Variants in DPP10 observed in about 807,000 individuals in gnomAD.
DPP10 encodes dipeptidyl peptidase like 10, also known as inactive dipeptidyl peptidase 10.
In DPP10, 33 loss-of-function variants were observed where a neutral mutation model predicts 120.9. The ratio of observed to expected loss-of-function variants is 0.27; its 90% confidence interval spans 0.21 to 0.37. The LOEUF (loss-of-function observed/expected upper bound fraction) is 0.37, where lower values mean the gene tolerates loss of function less well. Ranked by LOEUF, DPP10 falls within the 10% of genes least tolerant of loss-of-function variation. The probability of loss-of-function intolerance (pLI) is 1.00; values close to 1 mark genes in which losing one functional copy is unlikely to be tolerated. For missense variants in DPP10, 816 were observed against 942.8 expected (o/e 0.87, Z 1.76); for synonymous variants, 337 against 326.1 (o/e 1.03, Z -0.36).
At chr2:115,700,170 G>T (rs564542509) in intron 7 of DPP10, among the ~76,000 whole-genome samples, 1 of 152,204 alleles carries the variant, frequency 6.6e-6, no homozygotes. Flanking sequence ...AAAAGTGATG[G>T]TACTAAACCA....
intron 1 of DPP10, among the ~76,000 whole-genome samples, chr2:114,665,821 C>A (rs1573922772): frequency 6.6e-6 from 1 of 152,104 alleles, no homozygotes; most frequent in South Asian, 2.1e-4. Flanking sequence ...TACTGTGCTT[C>A]ATTCAGTACA....
intron 1 of DPP10, among the ~76,000 whole-genome samples, chr2:114,474,349 T>A (rs1040035983): frequency 2.0e-5 from 3 of 152,230 alleles, no homozygotes; most frequent in Non-Finnish European, 4.4e-5. Context: ...AAAATTGCAG[T>A]TTGCTTTTCT....
intron 1 of DPP10, among the ~76,000 whole-genome samples, chr2:114,976,999 C>G (rs190840447): frequency 1.3e-5 from 2 of 152,130 alleles, no homozygotes; most frequent in African/African-American, 4.8e-5. Flanking sequence ...TTAATTCCAT[C>G]TATGCCAGCA....
intron 1 of DPP10, among the ~76,000 whole-genome samples, chr2:114,938,002 A>G (rs559023861): frequency 6.6e-5 from 10 of 152,284 alleles, no homozygotes; most frequent in South Asian, 6.2e-4. Flanking sequence ...CCAACTGCCA[A>G]TTCATTTCTT....
chr2:115,302,328 A>T (rs1559389425), intron 1 of DPP10, among the ~76,000 whole-genome samples: 1 of 152,140 alleles, frequency 6.6e-6, no homozygotes, highest in East Asian at 1.9e-4. Flanking sequence ...CAATAATCGT[A>T]ATTATTGGGG....
At chr2:114,803,089 G>A (rs1460711150) in intron 1 of DPP10, among the ~76,000 whole-genome samples, 3 of 152,088 alleles carry the variant, frequency 2.0e-5, no homozygotes, top group African/African-American at 4.8e-5. Context: ...CATGGTGGCC[G>A]GTCTTTCCCA....
At chr2:114,609,621 G>GGTAA (rs79478073) in intron 1 of DPP10, among the ~76,000 whole-genome samples, 13,061 of 152,208 alleles carry the variant, frequency 0.086, 683 homozygotes, top group Middle Eastern at 0.16. Flanking sequence ...CAGAAAGCCA[G>GGTAA]GTAAGTTGTC....
chr2:115,220,243 C>A (rs993145036), intron 1 of DPP10, among the ~76,000 whole-genome samples: 1 of 152,126 alleles, frequency 6.6e-6, no homozygotes, highest in Admixed American at 6.6e-5. Context: ...ATTTTATACA[C>A]TCATTGTTGG....
At chr2:114,649,797 C>T (rs1696438905) in intron 1 of DPP10, among the ~76,000 whole-genome samples, 1 of 149,084 alleles carries the variant, frequency 6.7e-6, no homozygotes, top group Non-Finnish European at 1.5e-5. Context: ...TTATTTATAT[C>T]TTCTACTTTT....
At chr2:115,483,907 G>A (rs942172800) in intron 3 of DPP10, among the ~76,000 whole-genome samples, 1 of 151,986 alleles carries the variant, frequency 6.6e-6, no homozygotes, top group Non-Finnish European at 1.5e-5. Flanking sequence ...CCCCCTCTCA[G>A]TAAAATAAAT....
At chr2:114,974,841 A>G (rs187503249) in intron 1 of DPP10, among the ~76,000 whole-genome samples, 26 of 152,282 alleles carry the variant, frequency 1.7e-4, no homozygotes, top group African/African-American at 6.3e-4. Flanking sequence ...TCTCCTCATT[A>G]AGTGATGCAT....
At chr2:114,578,209 T>A (rs1690215142) in intron 1 of DPP10, among the ~76,000 whole-genome samples, 1 of 152,238 alleles carries the variant, frequency 6.6e-6, no homozygotes, top group African/African-American at 2.4e-5. Context: ...GGCTCTGGTG[T>A]TGAAGAATCA....
At chr2:115,747,424 T>C (rs1678120314) in intron 10 of DPP10, among the ~76,000 whole-genome samples, 1 of 152,188 alleles carries the variant, frequency 6.6e-6, no homozygotes, top group South Asian at 2.1e-4. Context: ...ATGGATACTA[T>C]TGACATTTTA....
intron 3 of DPP10, among the ~76,000 whole-genome samples, chr2:115,402,218 G>A (rs978797770): frequency 1.3e-5 from 2 of 152,160 alleles, no homozygotes; most frequent in African/African-American, 4.8e-5. Flanking sequence ...AGTTGGGAAA[G>A]TTAGTTGGAA....
chr2:115,466,445 G>T (rs888304089), intron 3 of DPP10, among the ~76,000 whole-genome samples: 1 of 152,070 alleles, frequency 6.6e-6, no homozygotes, highest in Non-Finnish European at 1.5e-5. Context: ...ATGAAAACTA[G>T]TCTGATTTGA....
chr2:115,700,138 C>T (rs2091821356), intron 7 of DPP10, among the ~76,000 whole-genome samples: 1 of 152,118 alleles, frequency 6.6e-6, no homozygotes, highest in Admixed American at 6.5e-5. Context: ...TGAGAACTCA[C>T]TCATTATCCT....
At chr2:115,136,032 A>G (rs1352246842) in intron 1 of DPP10, among the ~76,000 whole-genome samples, 1 of 152,124 alleles carries the variant, frequency 6.6e-6, no homozygotes, top group East Asian at 1.9e-4. Flanking sequence ...TGAGAGGCAG[A>G]TAATTTGTTT....
At chr2:115,142,569 G>A (rs946137344) in intron 1 of DPP10, among the ~76,000 whole-genome samples, 16 of 152,178 alleles carry the variant, frequency 1.1e-4, no homozygotes, top group East Asian at 3.8e-4. Flanking sequence ...TGAAAAACAC[G>A]AACTGAAAAT....
chr2:114,945,148 C>A (rs193300350), intron 1 of DPP10, among the ~76,000 whole-genome samples: 1 of 152,068 alleles, frequency 6.6e-6, no homozygotes, highest in Non-Finnish European at 1.5e-5. Context: ...CCTAGAAAAG[C>A]GTGAAGCAGA....
Sources: gnomAD v4.1 joint callset for allele counts (sites outside exome capture counted in the v4.1 genomes callset) on GRCh38, gnomAD v4.1.1 for gene constraint, MANE v1.5 for transcripts, NCBI Gene and HGNC (gene_info 2026-07-23, HGNC 2026-07-21) for gene names.